FAR2: variants seen among roughly 807,000 people sequenced by gnomAD.
FAR2 encodes epididymis secretory protein Li 81.
FAR2 carries 19 observed loss-of-function variants against 56.0 expected under a neutral mutation model. The observed-to-expected ratio is 0.34, with a 90% CI of 0.24 to 0.50. FAR2 has a LOEUF of 0.50. FAR2 is among the 20% of genes least tolerant of loss of function. FAR2 has a pLI of 0.98. For missense variants in FAR2, 508 were observed against 642.2 expected (o/e 0.79, Z 2.26); for synonymous variants, 219 against 218.8 (o/e 1.00, Z -0.01).
intron 2 of FAR2, among the ~76,000 whole-genome samples, chr12:29,285,204 T>TGCTTGCCCCCG (rs111377746): frequency 6.6e-6 from 1 of 151,550 alleles, no homozygotes. Context: ...AGTGTGTTCA[T>TGCTTGCCCCCG]GCTTCGCTGT....
chr12:29,274,789 A>AGT (rs1948680001), intron 2 of FAR2, among the ~76,000 whole-genome samples: 1 of 149,850 alleles, frequency 6.7e-6, no homozygotes, highest in South Asian at 2.1e-4. Flanking sequence ...CCAGAGAACA[A>AGT]TCCCCCTTTT....
At chr12:29,256,897 C>G (rs1948327712) in intron 1 of FAR2, among the ~76,000 whole-genome samples, 1 of 152,252 alleles carries the variant, frequency 6.6e-6, no homozygotes, top group African/African-American at 2.4e-5. Flanking sequence ...GGCTCGGGAC[C>G]TGCAGCCTGC....
intron 10 of FAR2, among the ~76,000 whole-genome samples, chr12:29,325,494 T>C (rs1165448492): frequency 6.6e-6 from 1 of 152,170 alleles, no homozygotes. Flanking sequence ...GACCACATAG[T>C]TGGAAGTAAA....
At chr12:29,182,143 A>G (rs1242738025) in intron 1 of FAR2, among the ~76,000 whole-genome samples, 1 of 152,194 alleles carries the variant, frequency 6.6e-6, no homozygotes. Context: ...GACTTCAAGA[A>G]TGAAGCCACA....
rs115913546 is a variant in FAR2 at position 29,306,212 on chromosome 12, A to G, written c.546-1446A>G. On this transcript the variant is annotated intron_variant, in intron 4 of 11. Coordinates refer to ENST00000536681, the MANE Select transcript of FAR2 (RefSeq NM_001271783.2). ...GGTGACCATATAATTAAAATATCCT[A>G]GATATTTCTATGTAGTTGAAGTTGT... Among the ~76,000 whole-genome samples, 1,032 of 152,220 alleles carry G rather than the reference A, an allele frequency of 6.8e-3. 12 individuals carry two copies. Among genetic ancestry groups the G allele is most frequent in the African/African-American group, 0.024 (979 of 41,522 alleles).
intron 1 of FAR2, among the ~76,000 whole-genome samples, chr12:29,204,998 T>C (rs1430872983): frequency 6.6e-6 from 1 of 152,230 alleles, no homozygotes; most frequent in Non-Finnish European, 1.5e-5. Context: ...TATCAAGCTC[T>C]ATACCTGCTC....
intron 1 of FAR2, among the ~76,000 whole-genome samples, chr12:29,236,281 A>C (rs985453554): frequency 6.6e-6 from 1 of 152,172 alleles, no homozygotes; most frequent in African/African-American, 2.4e-5. Flanking sequence ...TTGTTACTAA[A>C]CTTTAATATT....
intron 1 of FAR2, among the ~76,000 whole-genome samples, chr12:29,264,523 C>T (rs1948478015): frequency 6.6e-6 from 1 of 151,672 alleles, no homozygotes; most frequent in Non-Finnish European, 1.5e-5. Context: ...GCCTGTAATC[C>T]TAGCACTTTG....
At chr12:29,322,721 A>T (rs754579155) in intron 10 of FAR2, among the ~76,000 whole-genome samples, 1 of 152,222 alleles carries the variant, frequency 6.6e-6, no homozygotes, top group African/African-American at 2.4e-5. Flanking sequence ...ACTAAGAAAC[A>T]ATTTTCTAAA....
At chr12:29,257,121 C>G (rs956758034) in intron 1 of FAR2, among the ~76,000 whole-genome samples, 1 of 152,210 alleles carries the variant, frequency 6.6e-6, no homozygotes, top group Non-Finnish European at 1.5e-5. Flanking sequence ...CTGGTGGGGA[C>G]GTGGAGAACC....
chr12:29,162,294 T>C (rs1192856287), intron 1 of FAR2, among the ~76,000 whole-genome samples: 3 of 152,262 alleles, frequency 2.0e-5, no homozygotes, highest in Non-Finnish European at 4.4e-5. Context: ...TTTTTCCATG[T>C]GGATATTCAA....
chr12:29,204,254 C>T (rs907763088), intron 1 of FAR2, among the ~76,000 whole-genome samples: 2 of 151,950 alleles, frequency 1.3e-5, no homozygotes, highest in African/African-American at 4.8e-5. Context: ...AGTACCTCCT[C>T]TAAACCAGGA....
At chr12:29,199,423 C>A (rs549840451) in intron 1 of FAR2, among the ~76,000 whole-genome samples, 3 of 151,938 alleles carry the variant, frequency 2.0e-5, no homozygotes, top group Admixed American at 2.0e-4. Flanking sequence ...CATGGTGAAG[C>A]CCCGTCTCTA....
rs369694395 is a variant in FAR2, at chr12:29,299,672, GAATT to G, written c.545+2478_545+2481del. On this transcript the variant is annotated intron_variant, in intron 4 of 11. Transcript: ENST00000536681. ...GTCATACTTATTATTTGCTAATTCA[GAATT>G]AATTAGGACATCCAGGACCACCTAT... 4.1e-3 allele frequency among the ~76,000 whole-genome samples: 624 copies of G among 152,292 alleles called. 5 individuals are homozygous for G. Among genetic ancestry groups the G allele is most frequent in the African/African-American group, 0.014 (592 of 41,560 alleles).
Position 29,248,788 on chromosome 12 carries a change from A to C in FAR2, c.-38-21624A>C, listed in dbSNP as rs73079530. Among the ~76,000 whole-genome samples, 873 of 152,102 alleles carry C rather than the reference A, an allele frequency of 5.7e-3. 10 individuals are homozygous for C. Among genetic ancestry groups the C allele is most frequent in the Middle Eastern group, 0.034 (10 of 294 alleles). ...CACGCCCAGCGGGGCCAGTTTAGAG[A>C]CCCACCCCCAGGTGTGTATTCTCTT... On this transcript the variant is annotated intron_variant, in intron 1 of 11. Transcript: ENST00000536681.
intron 1 of FAR2, among the ~76,000 whole-genome samples, chr12:29,219,077 C>T (rs1447317609): frequency 6.6e-6 from 1 of 152,002 alleles, no homozygotes; most frequent in African/African-American, 2.4e-5. Flanking sequence ...TTGGTACAGA[C>T]AGGGTTTTAC....
intron 1 of FAR2, among the ~76,000 whole-genome samples, chr12:29,239,226 G>A (rs1454795350): frequency 6.6e-6 from 1 of 152,118 alleles, no homozygotes; most frequent in Non-Finnish European, 1.5e-5. Context: ...AGTCACTAGG[G>A]TTCATCTTAG....
intron 1 of FAR2, among the ~76,000 whole-genome samples, chr12:29,186,739 G>T (rs1950044273): frequency 6.6e-6 from 1 of 150,428 alleles, no homozygotes. Flanking sequence ...GAATTATACA[G>T]CTTAGTTCTT....
At chr12:29,239,976 C>A (rs1565483911) in intron 1 of FAR2, among the ~76,000 whole-genome samples, 1 of 152,184 alleles carries the variant, frequency 6.6e-6, no homozygotes, top group Non-Finnish European at 1.5e-5. Flanking sequence ...CTGGCTCTTA[C>A]TTTCCACATT....
Sources: gnomAD v4.1 joint callset for allele counts (sites outside exome capture counted in the v4.1 genomes callset) on GRCh38, gnomAD v4.1.1 for gene constraint, MANE v1.5 for transcripts, NCBI Gene and HGNC (gene_info 2026-07-23, HGNC 2026-07-21) for gene names.